The following GABBR2 variants were observed in gnomAD, a reference collection of about 807,000 sequenced individuals.
GABBR2 encodes G-protein coupled receptor 51.
Under a neutral mutation model 105.6 loss-of-function variants are expected in GABBR2, and 23 were observed. That is an observed-to-expected ratio of 0.22 (90% CI 0.16 to 0.31). GABBR2 has a LOEUF of 0.31. Among genes scored for constraint, GABBR2 ranks in the 10% least tolerant of loss-of-function variants. The probability of loss-of-function intolerance (pLI) is 1.00; values close to 1 mark genes in which losing one functional copy is unlikely to be tolerated. For synonymous variants in GABBR2, 478 were observed against 499.7 expected (o/e 0.96, Z 0.58); for missense variants, 734 against 1,245.5 (o/e 0.59, Z 6.18).
chr9:98,439,738 C>A lies in GABBR2; in HGVS notation c.1236+14243G>T, dbSNP rs958418472. ...AAGCAGCTGGTTGGGGACCCACCAA[C>A]CACAGAATCCCATGGAAAATTAATT... On this transcript the variant is annotated intron_variant, in intron 7 of 18. Transcript: ENST00000259455. 3.3e-5 allele frequency among the ~76,000 whole-genome samples: 5 copies of A among 152,188 alleles called. 1 individual carries two copies. The South Asian group carries it at 1.0e-3, about 31-fold the overall frequency.
At chr9:98,691,491 G>A (rs962486153) in intron 1 of GABBR2, among the ~76,000 whole-genome samples, 7 of 152,238 alleles carry the variant, frequency 4.6e-5, no homozygotes, top group African/African-American at 1.7e-4. Context: ...CTGGGGGGTT[G>A]TGTTCTCCAG....
At chr9:98,312,596 C>T (rs1017609154) in intron 13 of GABBR2, among the ~76,000 whole-genome samples, 4 of 152,198 alleles carry the variant, frequency 2.6e-5, no homozygotes, top group African/African-American at 7.2e-5. Flanking sequence ...CAAATGTTCA[C>T]GCAGTGGTTT....
At chr9:98,523,683 G>A (rs757131603) in intron 3 of GABBR2, among the ~76,000 whole-genome samples, 3 of 152,112 alleles carry the variant, frequency 2.0e-5, no homozygotes, top group Admixed American at 6.6e-5. Context: ...GTAACCAGTG[G>A]GACCAGTGTC....
chr9:98,672,370 G>A (rs1472311736), intron 1 of GABBR2, among the ~76,000 whole-genome samples: 2 of 152,160 alleles, frequency 1.3e-5, no homozygotes, highest in South Asian at 2.1e-4. Context: ...CATCCATGTT[G>A]TAGCATGTGT....
intron 11 of GABBR2, among the ~76,000 whole-genome samples, chr9:98,382,883 A>G (rs1832003317): frequency 6.6e-6 from 1 of 152,140 alleles, no homozygotes; most frequent in East Asian, 1.9e-4. Flanking sequence ...ACTTCCACTA[A>G]AACTAGCGAG....
intron 13 of GABBR2, among the ~76,000 whole-genome samples, chr9:98,347,705 G>A (rs996130477): frequency 4.6e-5 from 7 of 152,056 alleles, no homozygotes; most frequent in African/African-American, 1.4e-4. Flanking sequence ...TATATATTCA[G>A]GGCTTACATT....
chr9:98,328,992 G>A lies in GABBR2; in HGVS notation c.1894-17787C>T, dbSNP rs920538523. ...ACCTTATCATTACCATCTGTAAAAT[G>A]GGGCTAGACATAGCACCTGTCTCAT... On this transcript the variant is annotated intron_variant, in intron 13 of 18. Transcript: ENST00000259455. 3.3e-5 allele frequency among the ~76,000 whole-genome samples: 5 copies of A among 152,178 alleles called. No individual in the cohort carries two copies. The South Asian group carries it at 1.0e-3, about 32-fold the overall frequency.
At chr9:98,613,940 CAATT>C (rs1378108013) in intron 1 of GABBR2, among the ~76,000 whole-genome samples, 1 of 152,036 alleles carries the variant, frequency 6.6e-6, no homozygotes, top group African/African-American at 2.4e-5. Flanking sequence ...AAAATAATAA[CAATT>C]AAAATTTTTG....
intron 13 of GABBR2, among the ~76,000 whole-genome samples, chr9:98,346,825 A>C (rs543563236): frequency 4.6e-5 from 7 of 152,206 alleles, no homozygotes; most frequent in African/African-American, 7.2e-5. Context: ...GTGAGAACAC[A>C]TGGTATTTAT....
At position 98,453,624 on chromosome 9, in the gene GABBR2, G is replaced by A. The variant is rs539316050; in HGVS notation, c.1236+357C>T. On this transcript the variant is annotated intron_variant, in intron 7 of 18. Transcript: ENST00000259455. ...ATAACAGGAGGTAGTTTAGCAGCTTGAAGCCAGGTACTGTGCCAGGGAGCA... is the reference window on the plus strand; with the variant it reads ...ATAACAGGAGGTAGTTTAGCAGCTTAAAGCCAGGTACTGTGCCAGGGAGCA... Among the ~76,000 whole-genome samples the A allele has an allele frequency of 3.3e-5, 5 of 152,354 alleles. No individual in the cohort carries two copies. The South Asian group carries it at 1.0e-3, about 32-fold the overall frequency.
intron 2 of GABBR2, among the ~76,000 whole-genome samples, chr9:98,576,254 C>T (rs1241662887): frequency 1.3e-5 from 2 of 152,210 alleles, no homozygotes; most frequent in East Asian, 3.9e-4. Flanking sequence ...TTCACCCTGG[C>T]TCCCCACCCA....
chr9:98,643,168 C>T (rs78228873), intron 1 of GABBR2, among the ~76,000 whole-genome samples: 2,497 of 152,320 alleles, frequency 0.016, 71 homozygotes, highest in African/African-American at 0.057. Context: ...ACTGGGCACT[C>T]GGAGGGGAGA....
intron 7 of GABBR2, among the ~76,000 whole-genome samples, chr9:98,407,974 G>A (rs963848582): frequency 6.6e-6 from 1 of 152,136 alleles, no homozygotes; most frequent in East Asian, 1.9e-4. Flanking sequence ...GTAGGCCAGC[G>A]TGTCTCACAA....
chr9:98,648,923 A>G (rs1369407825), intron 1 of GABBR2, among the ~76,000 whole-genome samples: 1 of 152,182 alleles, frequency 6.6e-6, no homozygotes, highest in African/African-American at 2.4e-5. Flanking sequence ...ATAATTCCCC[A>G]ATTTCTAGGC....
chr9:98,448,922 A>T (rs1384013746), intron 7 of GABBR2, among the ~76,000 whole-genome samples: 2 of 87,296 alleles, frequency 2.3e-5, no homozygotes, highest in East Asian at 7.3e-4. Flanking sequence ...AAGAGTTTAA[A>T]AAAAAAAAAA....
chr9:98,526,934 C>CA (rs1239854047), intron 3 of GABBR2, among the ~76,000 whole-genome samples: 1 of 150,096 alleles, frequency 6.7e-6, no homozygotes, highest in African/African-American at 2.4e-5. Context: ...GCTCTTCTAA[C>CA]AGACATCAAA....
intron 2 of GABBR2, chr9:98,555,587 A>C (rs1828570453): frequency 6.6e-6 from 1 of 152,130 alleles, no homozygotes; most frequent in Non-Finnish European, 1.5e-5. Flanking sequence ...CTTTCAGCTG[A>C]TGTCTTTAGG....
In GABBR2 at chr9:98,708,781, G is replaced by T; in HGVS notation, c.-44C>A. ...GGCGCCGGCTCACTCGGCCCGCATG[G>T]CCTGGCCCGGCCCGCCGCCCCGCGC... On this transcript the variant is annotated 5_prime_UTR_variant, in exon 1 of 19. Transcript: ENST00000259455. The T allele has an allele frequency of 1.0e-6, 1 of 972,938 alleles. No individual in the cohort carries two copies. Among genetic ancestry groups the T allele is most frequent in the Non-Finnish European group, 1.2e-6 (1 of 820,724 alleles). 60.3% of individuals were successfully genotyped at this position (972,938 alleles called of 1,614,324 possible).
chr9:98,438,915 T>C (rs1825981425), intron 7 of GABBR2, among the ~76,000 whole-genome samples: 1 of 152,130 alleles, frequency 6.6e-6, no homozygotes, highest in South Asian at 2.1e-4. Context: ...CTCTTTCTCA[T>C]TCTCTTTCCC....
Sources: gnomAD v4.1 joint callset for allele counts (sites outside exome capture counted in the v4.1 genomes callset) on GRCh38, gnomAD v4.1.1 for gene constraint, MANE v1.5 for transcripts, NCBI Gene and HGNC (gene_info 2026-07-23, HGNC 2026-07-21) for gene names.